MAGI1: variants seen among roughly 807,000 people sequenced by gnomAD.
MAGI1 encodes membrane-associated guanylate kinase, WW and PDZ domain-containing protein 1.
A neutral mutation model predicts 139.9 loss-of-function variants in MAGI1; 58 were observed. The ratio of observed to expected loss-of-function variants is 0.41; its 90% CI spans 0.34 to 0.52. The LOEUF is 0.52. Among genes scored for constraint, MAGI1 ranks in the 20% least tolerant of loss-of-function variants. MAGI1 has a pLI of 0.12. For synonymous variants in MAGI1, 812 were observed against 737.9 expected, an observed-to-expected ratio of 1.10 and a Z score of -1.63; for missense variants, 1,874 against 1,901.6, an observed-to-expected ratio of 0.99 and a Z score of 0.27.
chr3:65,554,420 A>G (rs2079991114), intron 2 of MAGI1, among the ~76,000 whole-genome samples: 1 of 152,168 alleles, frequency 6.6e-6, no homozygotes, highest in Non-Finnish European at 1.5e-5. Flanking sequence ...AGTCTGTTGG[A>G]GGCTGGGGTT....
intron 2 of MAGI1, among the ~76,000 whole-genome samples, chr3:65,610,932 G>C (rs1463780029): frequency 1.5e-5 from 2 of 136,476 alleles, no homozygotes; most frequent in Non-Finnish European, 3.1e-5. Context: ...ATAGTAGATA[G>C]TATATATAGT....
At chr3:65,731,675 AAAAAAG>A (rs1275366061) in intron 1 of MAGI1, among the ~76,000 whole-genome samples, 1 of 151,568 alleles carries the variant, frequency 6.6e-6, no homozygotes, top group African/African-American at 2.4e-5. Context: ...AAAAAAAAAA[AAAAAAG>A]AAAGAAAGAA....
intron 2 of MAGI1, among the ~76,000 whole-genome samples, chr3:65,556,748 T>TA: frequency 6.6e-6 from 1 of 152,298 alleles, no homozygotes; most frequent in Middle Eastern, 3.4e-3. Flanking sequence ...TTTTAAAAAG[T>TA]AAAAACCAAC....
At chr3:65,588,651 G>A (rs899439236) in intron 2 of MAGI1, among the ~76,000 whole-genome samples, 14 of 152,122 alleles carry the variant, frequency 9.2e-5, no homozygotes, top group Non-Finnish European at 4.4e-5. Context: ...GCAATATTAT[G>A]TTCTATAGTT....
intron 1 of MAGI1, among the ~76,000 whole-genome samples, chr3:65,650,542 T>C (rs2085520749): frequency 6.6e-6 from 1 of 152,240 alleles, no homozygotes; most frequent in African/African-American, 2.4e-5. Flanking sequence ...GGGGGCCTTC[T>C]GTGTAGGCAA....
intron 7 of MAGI1, 86 bp downstream of exon 7, chr3:65,447,934 CAG>C: frequency 7.0e-7 from 1 of 1,422,470 alleles, no homozygotes; most frequent in Non-Finnish European, 9.9e-7. Context: ...ACTAAAGAAA[CAG>C]GGATTAAGCA....
chr3:65,962,829 GGAAAA>G (rs1560059992), intron 1 of MAGI1, among the ~76,000 whole-genome samples: 2 of 125,996 alleles, frequency 1.6e-5, no homozygotes, highest in Admixed American at 8.1e-5. Flanking sequence ...TGTCTCGGGG[GGAAAA>G]AAAAAAAAAA....
intron 1 of MAGI1, among the ~76,000 whole-genome samples, chr3:65,802,762 T>A (rs2040593014): frequency 6.6e-6 from 1 of 152,116 alleles, no homozygotes; most frequent in Admixed American, 6.5e-5. Context: ...CCTAGTTTCC[T>A]GCCTCAAGTA....
At chr3:65,420,428 G>T (rs1005169274) in intron 12 of MAGI1, among the ~76,000 whole-genome samples, 1 of 151,952 alleles carries the variant, frequency 6.6e-6, no homozygotes, top group African/African-American at 2.4e-5. Flanking sequence ...TACCTGCTCT[G>T]ATTTGCTTCA....
At chr3:65,474,416 C>T (rs770422979) in intron 4 of MAGI1, among the ~76,000 whole-genome samples, 18 of 152,146 alleles carry the variant, frequency 1.2e-4, no homozygotes, top group Non-Finnish European at 2.1e-4. Flanking sequence ...ACCTGGTTTT[C>T]CCATTGTTCA....
At chr3:65,568,693 T>C (rs551136275) in intron 2 of MAGI1, among the ~76,000 whole-genome samples, 2 of 152,344 alleles carry the variant, frequency 1.3e-5, no homozygotes, top group South Asian at 4.1e-4. Context: ...GAAGGATTGC[T>C]GCCAAGTTTG....
chr3:65,927,874 G>A lies in MAGI1; in HGVS notation c.313+110122C>T, dbSNP rs929812364. 4.6e-5 allele frequency among the ~76,000 whole-genome samples: 7 copies of A among 152,196 alleles called. No homozygotes were observed. In the East Asian group the frequency reaches 7.7e-4, roughly 17 times the overall value. ...GTGAGCCAAGCAGACCACACCTGGC[G>A]CTCAGGAAAATCAACTACTTAACAC... is the stretch of plus-strand genomic sequence containing the variant. On this transcript the variant is annotated intron_variant, in intron 1 of 22. Transcript: ENST00000402939.
At chr3:65,678,852 A>T (rs2087374604) in intron 1 of MAGI1, among the ~76,000 whole-genome samples, 1 of 152,170 alleles carries the variant, frequency 6.6e-6, no homozygotes, top group South Asian at 2.1e-4. Context: ...AGACATACTT[A>T]TTCTGTGAAT....
intron 1 of MAGI1, among the ~76,000 whole-genome samples, chr3:65,810,522 A>C (rs774799212): frequency 1.3e-5 from 2 of 152,214 alleles, no homozygotes; most frequent in Non-Finnish European, 2.9e-5. Flanking sequence ...CACAACAACA[A>C]ATGGAAAACG....
At chr3:66,013,654 G>A (rs1446595529) in intron 1 of MAGI1, among the ~76,000 whole-genome samples, 3 of 150,850 alleles carry the variant, frequency 2.0e-5, no homozygotes, top group Non-Finnish European at 4.4e-5. Flanking sequence ...CCAGCTACTC[G>A]GGAGACTGAA....
At chr3:65,702,761 T>C (rs2089705921) in intron 1 of MAGI1, among the ~76,000 whole-genome samples, 1 of 152,118 alleles carries the variant, frequency 6.6e-6, no homozygotes, top group Non-Finnish European at 1.5e-5. Flanking sequence ...ACTTATCTCC[T>C]TCAGGATCTG....
chr3:65,811,953 T>A (rs62244035), intron 1 of MAGI1, among the ~76,000 whole-genome samples: 74,721 of 148,514 alleles, frequency 0.5, 18,853 homozygotes, highest in East Asian at 0.73. Context: ...TGTGTGTGTG[T>A]GTGTGTGAGA....
chr3:65,819,968 T>C (rs896956543), intron 1 of MAGI1, among the ~76,000 whole-genome samples: 3 of 114,064 alleles, frequency 2.6e-5, no homozygotes, highest in East Asian at 9.5e-4. Flanking sequence ...AGCAGAATTA[T>C]GTATCTTTAT....
rs754051443 is a variant in MAGI1, at chr3:65,356,552, G to A, written c.4215C>T (p.Arg1405=). 4 of 1,607,818 alleles carry A rather than the reference G, an allele frequency of 2.5e-6. No homozygotes were observed. Among genetic ancestry groups the A allele is most frequent in the Non-Finnish European group, 3.4e-6 (4 of 1,179,296 alleles). ...RAKSTDRRRA[R]SPERRRERSL... is the part of the protein sequence containing the mutation. Reference sequence around the variant, plus strand: ...ACCGCTCTCTCCTGCGCTCGGGGGAGCGTGCGCGCCTCCGGTCGGTGGACT... The same window carrying A: ...ACCGCTCTCTCCTGCGCTCGGGGGAACGTGCGCGCCTCCGGTCGGTGGACT... Residue 1405 remains arginine, a synonymous_variant, in exon 23 of 23, where the codon CGC becomes CGT. Transcript: ENST00000402939.
Sources: allele counts gnomAD v4.1 joint callset (sites outside exome capture counted in the v4.1 genomes callset), GRCh38; gene constraint gnomAD v4.1.1; transcripts MANE v1.5; gene names NCBI Gene and HGNC (gene_info 2026-07-23, HGNC 2026-07-21).